The following HHAT variants were observed in gnomAD, a reference collection of about 807,000 sequenced individuals.
The protein encoded by HHAT is protein-cysteine N-palmitoyltransferase HHAT.
A neutral mutation model predicts 70.8 loss-of-function variants in HHAT; 47 were observed. The ratio of observed to expected loss-of-function variants is 0.66; its 90% CI spans 0.53 to 0.85. The LOEUF is 0.85. Ranked by LOEUF, HHAT falls within the 40% of genes least tolerant of loss-of-function variation. The pLI, the probability that HHAT is intolerant of heterozygous loss-of-function variation, is 0.00. For missense variants in HHAT, 609 were observed against 604.8 expected, an observed-to-expected ratio of 1.01 and a Z score of -0.07; for synonymous variants, 228 against 247.6, an observed-to-expected ratio of 0.92 and a Z score of 0.74.
At chr1:210,329,449 G>T in intron 1 of HHAT, 11 of 1,058,494 alleles carry the variant, frequency 1.0e-5, no homozygotes, top group Non-Finnish European at 1.3e-5. Context: ...TCGGCGGTGC[G>T]CCTGCCTGCC....
At position 210,674,379 on chromosome 1, in the gene HHAT, A is replaced by G. The variant is rs761452174; in HGVS notation, c.1482A>G (p.Ter494=). 5 of 1,613,094 alleles carry G rather than the reference A, an allele frequency of 3.1e-6. No homozygotes were observed. Among genetic ancestry groups the G allele is most frequent in the East Asian group, 2.2e-5 (1 of 44,876 alleles). Residue 494 remains the stop codon, a stop_retained_variant, in exon 12 of 12, where the codon TAA becomes TAG. Coordinates refer to ENST00000261458, the MANE Select transcript of HHAT (RefSeq NM_018194.6). The part of the protein sequence containing the change: ...IAWAQTYATD[*] The stretch of plus-strand genomic sequence containing the variant: ...GGGCCCAGACCTACGCCACGGACTA[A>G]TGCTGTTGGGCCCAGGCCAGTCCTT...
chr1:210,570,640 G>A (rs983754172), intron 9 of HHAT, among the ~76,000 whole-genome samples: 13 of 152,276 alleles, frequency 8.5e-5, no homozygotes, highest in East Asian at 1.9e-4. Flanking sequence ...AGACCTTTGC[G>A]CTGATGAAAG....
intron 8 of HHAT, 39 bp from the exon 9 acceptor site, chr1:210,513,114 T>C (rs758222481): frequency 1.0e-5 from 13 of 1,263,588 alleles, no homozygotes; most frequent in South Asian, 2.5e-5. Flanking sequence ...ACTATAAATA[T>C]CTTTTATTGA....
At chr1:210,477,430 G>A (rs1295338887) in intron 8 of HHAT, among the ~76,000 whole-genome samples, 4 of 152,028 alleles carry the variant, frequency 2.6e-5, no homozygotes, top group African/African-American at 9.7e-5. Flanking sequence ...AGGAAGAAAT[G>A]CCCAGTTCCT....
chr1:210,615,831 G>T (rs191450774), intron 10 of HHAT, among the ~76,000 whole-genome samples: 2,045 of 152,310 alleles, frequency 0.013, 14 homozygotes, highest in Middle Eastern at 0.065. Context: ...GCCGTGTGAG[G>T]TGTCAGTCTG....
chr1:210,463,253 C>T (rs2094018487), intron 7 of HHAT, among the ~76,000 whole-genome samples: 1 of 151,916 alleles, frequency 6.6e-6, no homozygotes, highest in African/African-American at 2.4e-5. Flanking sequence ...TATGATTCAC[C>T]TATCACCACC....
intron 2 of HHAT, among the ~76,000 whole-genome samples, chr1:210,349,840 G>A (rs12404222): frequency 0.093 from 14,194 of 151,828 alleles, 936 homozygotes; most frequent in Middle Eastern, 0.16. Flanking sequence ...TAGTAGAGAC[G>A]TGGTTTCACC....
At chr1:210,469,693 G>A (rs1395057184) in intron 8 of HHAT, among the ~76,000 whole-genome samples, 4 of 152,082 alleles carry the variant, frequency 2.6e-5, no homozygotes, top group Admixed American at 6.6e-5. Flanking sequence ...TTATGAGACA[G>A]TGTCTCGCTC....
intron 1 of HHAT, among the ~76,000 whole-genome samples, chr1:210,348,046 A>G (rs2086671895): frequency 6.6e-6 from 1 of 152,182 alleles, no homozygotes; most frequent in South Asian, 2.1e-4. Flanking sequence ...AGTGTCTGTC[A>G]CAGATGTCTG....
In HHAT at chr1:210,343,384, T is replaced by G. The variant is rs2086207472; in HGVS notation, c.-43-5549T>G. Among the ~76,000 whole-genome samples the G allele has an allele frequency of 2.0e-5, 3 of 152,316 alleles. No homozygotes were observed. In the South Asian group the frequency reaches 6.2e-4, roughly 32 times the overall value. ...TTTTCATTTCTGCCTTCGTCCTCCT[T>G]CCTTCAGTCTCCTAATGACTGTCTC... On this transcript the variant is annotated intron_variant, in intron 1 of 11. Coordinates refer to ENST00000261458, the MANE Select transcript of HHAT (RefSeq NM_018194.6).
chr1:210,475,839 C>T (rs1051653672), intron 8 of HHAT, among the ~76,000 whole-genome samples: 2 of 151,518 alleles, frequency 1.3e-5, no homozygotes, highest in African/African-American at 4.9e-5. Flanking sequence ...TGAGGGATTG[C>T]TGAGAACAAA....
chr1:210,494,585 C>CT (rs1295107667), intron 8 of HHAT, among the ~76,000 whole-genome samples: 3 of 81,118 alleles, frequency 3.7e-5, no homozygotes, highest in African/African-American at 1.5e-4. Context: ...AGAGTTTGCT[C>CT]TTTTTTCCCA....
chr1:210,417,851 C>T (rs1313600009), intron 6 of HHAT, among the ~76,000 whole-genome samples: 1 of 152,094 alleles, frequency 6.6e-6, no homozygotes, highest in Non-Finnish European at 1.5e-5. Flanking sequence ...GTGCTGCCCT[C>T]CCCGCTTGGG....
chr1:210,641,580 T>A (rs1239266816), intron 11 of HHAT, among the ~76,000 whole-genome samples: 1 of 152,216 alleles, frequency 6.6e-6, no homozygotes, highest in Admixed American at 6.5e-5. Flanking sequence ...AATGCTTGTT[T>A]TGAAAATGCA....
In HHAT at chr1:210,584,574, C is replaced by G. The variant is rs1317776163; in HGVS notation, c.1044-3324C>G. ...GGGGGCAGCAGAACACCGGATAAGA[C>G]TACTGTGCCCTGGGCTGTCAGGCTT... is the stretch of plus-strand genomic sequence containing the variant. On this transcript the variant is annotated intron_variant, in intron 9 of 11. Coordinates refer to ENST00000261458, the MANE Select transcript of HHAT (RefSeq NM_018194.6). Among the ~76,000 whole-genome samples, 3 of 152,134 alleles carry G rather than the reference C, an allele frequency of 2.0e-5. No individual in the cohort carries two copies. The East Asian group carries it at 5.8e-4, about 29-fold the overall frequency.
chr1:210,383,511 G>A (rs901398027), intron 3 of HHAT, among the ~76,000 whole-genome samples: 4 of 152,212 alleles, frequency 2.6e-5, no homozygotes, highest in Admixed American at 2.6e-4. Flanking sequence ...GTAGAGTACA[G>A]AGGATTTTTA....
intron 8 of HHAT, among the ~76,000 whole-genome samples, chr1:210,469,425 G>T (rs937234878): frequency 1.3e-5 from 2 of 152,116 alleles, no homozygotes; most frequent in Admixed American, 6.5e-5. Flanking sequence ...CTGTGCTAAA[G>T]TACATCCACC....
At chr1:210,415,914 C>T (rs982621053) in intron 6 of HHAT, among the ~76,000 whole-genome samples, 1 of 152,082 alleles carries the variant, frequency 6.6e-6, no homozygotes, top group African/African-American at 2.4e-5. Context: ...CTGCCTCCAC[C>T]TCCCAAGGTA....
In HHAT at chr1:210,502,277, G is replaced by A. The variant is rs560671145; in HGVS notation, c.1008-10876G>A. Among the ~76,000 whole-genome samples the A allele has an allele frequency of 4.0e-5, 6 of 150,992 alleles. No individual in the cohort carries two copies. The South Asian group carries it at 1.3e-3, about 32-fold the overall frequency. On this transcript the variant is annotated intron_variant, in intron 8 of 11. Transcript: ENST00000261458. ...TGGGCGCCTGTAGTCCCAGCTACTTGGGAGGCTGAGGCAGGAGAATGGCAT... is the reference window on the plus strand; with the variant it reads ...TGGGCGCCTGTAGTCCCAGCTACTTAGGAGGCTGAGGCAGGAGAATGGCAT...
Sources: gnomAD v4.1 joint callset for allele counts (sites outside exome capture counted in the v4.1 genomes callset) on GRCh38, gnomAD v4.1.1 for gene constraint, MANE v1.5 for transcripts, NCBI Gene and HGNC (gene_info 2026-07-23, HGNC 2026-07-21) for gene names.